Variants in REDIC1 observed in about 807,000 individuals in gnomAD.
REDIC1 encodes HEI10 Interacting Protein 1.
the REDIC1 span, among the ~76,000 whole-genome samples, chr12:39,844,624 T>A: frequency 6.6e-6 from 1 of 152,032 alleles, no homozygotes; most frequent in African/African-American, 2.4e-5. Context: ...GTATTTAGTA[T>A]CCATGAAGAT....
chr12:39,717,006 G>C, the REDIC1 span, among the ~76,000 whole-genome samples: 1 of 151,480 alleles, frequency 6.6e-6, no homozygotes, highest in African/African-American at 2.4e-5. Context: ...TAAAAATGTA[G>C]AAAAGAAAAA....
the REDIC1 span, among the ~76,000 whole-genome samples, chr12:39,679,615 ATC>A: frequency 6.6e-6 from 1 of 152,166 alleles, no homozygotes; most frequent in African/African-American, 2.4e-5. Context: ...AAATACCAAT[ATC>A]ATTCTTCACA....
chr12:39,885,626 A>C, the REDIC1 span, among the ~76,000 whole-genome samples: 41,426 of 152,012 alleles, frequency 0.27, 5,908 homozygotes, highest in East Asian at 0.45. Flanking sequence ...GAGAAAAATT[A>C]TCTCTGGCCT....
chr12:39,630,576 A>G, the REDIC1 span, among the ~76,000 whole-genome samples: 2 of 152,208 alleles, frequency 1.3e-5, no homozygotes, highest in Non-Finnish European at 2.9e-5. Context: ...TTGGGGAAGA[A>G]AAGTATGACT....
chr12:39,832,836 T>C, the REDIC1 span, among the ~76,000 whole-genome samples: 361 of 152,208 alleles, frequency 2.4e-3, no homozygotes, highest in African/African-American at 8.4e-3. Context: ...TAGCCCTATA[T>C]GAATGCAAAC....
At chr12:39,840,050 G>C in the REDIC1 span, among the ~76,000 whole-genome samples, 3 of 150,226 alleles carry the variant, frequency 2.0e-5, no homozygotes, top group African/African-American at 7.4e-5. Flanking sequence ...TTTTGTTTTT[G>C]AGACAGAGTC....
the REDIC1 span, among the ~76,000 whole-genome samples, chr12:39,701,033 G>A: frequency 4.0e-5 from 6 of 151,676 alleles, no homozygotes; most frequent in East Asian, 1.9e-4. Flanking sequence ...ATCAACTAAC[G>A]AGCAAAATCA....
At chr12:39,767,082 C>A in the REDIC1 span, among the ~76,000 whole-genome samples, 3 of 152,060 alleles carry the variant, frequency 2.0e-5, no homozygotes, top group Non-Finnish European at 2.9e-5. Context: ...TTACTTGGCC[C>A]AGATCCATCT....
the REDIC1 span, among the ~76,000 whole-genome samples, chr12:39,746,516 C>T: frequency 6.6e-6 from 1 of 152,192 alleles, no homozygotes; most frequent in East Asian, 1.9e-4. Flanking sequence ...CATAGCCGAA[C>T]AGAAGGCAGC....
chr12:39,871,485 G>A, the REDIC1 span, among the ~76,000 whole-genome samples: 1 of 150,364 alleles, frequency 6.7e-6, no homozygotes. Flanking sequence ...AAAAAGGATA[G>A]AAAAAAAAAA....
chr12:39,631,086 T>C, the REDIC1 span, among the ~76,000 whole-genome samples: 40 of 152,252 alleles, frequency 2.6e-4, no homozygotes, highest in East Asian at 7.7e-3. Flanking sequence ...GATGGGGTTT[T>C]GCCATATTGG....
the REDIC1 span, among the ~76,000 whole-genome samples, chr12:39,688,534 C>T: frequency 3.3e-5 from 5 of 151,912 alleles, no homozygotes; most frequent in African/African-American, 9.7e-5. Flanking sequence ...TAATTCTGGA[C>T]AATACAAAAA....
At chr12:39,791,226 AAAT>A in the REDIC1 span, among the ~76,000 whole-genome samples, 5 of 148,986 alleles carry the variant, frequency 3.4e-5, no homozygotes, top group Non-Finnish European at 5.9e-5. Flanking sequence ...ACATATTTCA[AAAT>A]AATAAGAGCT....
the REDIC1 span, chr12:39,755,211 T>G: frequency 3.9e-5 from 6 of 152,120 alleles, no homozygotes; most frequent in Admixed American, 3.9e-4. Flanking sequence ...CAGCATAGGC[T>G]AGGATGACTT....
At chr12:39,716,467 A>T in the REDIC1 span, among the ~76,000 whole-genome samples, 1 of 151,964 alleles carries the variant, frequency 6.6e-6, no homozygotes, top group Non-Finnish European at 1.5e-5. Flanking sequence ...AATATAATGC[A>T]TATGTTGGAA....
At chr12:39,785,659 C>A in the REDIC1 span, among the ~76,000 whole-genome samples, 3 of 152,214 alleles carry the variant, frequency 2.0e-5, no homozygotes, top group East Asian at 3.9e-4. Flanking sequence ...CCTGGAAAAG[C>A]CACAGACACT....
the REDIC1 span, among the ~76,000 whole-genome samples, chr12:39,691,452 C>T: frequency 1.1e-4 from 16 of 152,062 alleles, no homozygotes; most frequent in Non-Finnish European, 2.1e-4. Flanking sequence ...AGGAGAGATT[C>T]ATGGGTACAT....
the REDIC1 span, among the ~76,000 whole-genome samples, chr12:39,711,728 C>T: frequency 1.8e-4 from 2 of 11,168 alleles, no homozygotes; most frequent in East Asian, 1.8e-3. Flanking sequence ...TATGCACATG[C>T]ATGTGTGTAT....
At chr12:39,752,251 C>T in the REDIC1 span, among the ~76,000 whole-genome samples, 1 of 152,138 alleles carries the variant, frequency 6.6e-6, no homozygotes, top group African/African-American at 2.4e-5. Context: ...GGCAAGTGAG[C>T]ATTACCAGCT....
Sources: allele counts gnomAD v4.1 joint callset (sites outside exome capture counted in the v4.1 genomes callset), GRCh38; gene constraint gnomAD v4.1.1; transcripts MANE v1.5; gene names NCBI Gene and HGNC (gene_info 2026-07-23, HGNC 2026-07-21).